Variants in GPATCH2L observed in about 807,000 individuals in gnomAD.
GPATCH2L encodes the protein G-patch domain containing 2 like, also known as G patch domain-containing protein 2-like.
Under a neutral mutation model 57.4 loss-of-function variants are expected in GPATCH2L, and 31 were observed. The ratio of observed to expected loss-of-function variants is 0.54; its 90% CI spans 0.41 to 0.73. The LOEUF (loss-of-function observed/expected upper bound fraction) is 0.73, where lower values mean the gene tolerates loss of function less well. Among genes scored for constraint, GPATCH2L ranks in the 30% least tolerant of loss-of-function variants. GPATCH2L has a pLI of 0.00. For missense variants in GPATCH2L, 481 were observed against 599.9 expected (o/e 0.80, Z 2.07); for synonymous variants, 199 against 210.7 (o/e 0.94, Z 0.48).
intron 2 of GPATCH2L, among the ~76,000 whole-genome samples, chr14:76,156,865 C>CTT (rs2038332757): frequency 6.6e-6 from 1 of 152,208 alleles, no homozygotes; most frequent in African/African-American, 2.4e-5. Context: ...ATGCTTCACT[C>CTT]TTTTCTGTTC....
At chr14:76,157,672 C>T (rs556199472) in intron 2 of GPATCH2L, among the ~76,000 whole-genome samples, 11 of 87,846 alleles carry the variant, frequency 1.3e-4, no homozygotes, top group South Asian at 4.3e-4. Flanking sequence ...TCAATGGTAG[C>T]GTTTTTTTTT....
intron 1 of GPATCH2L, among the ~76,000 whole-genome samples, chr14:76,221,304 A>T (rs1033027371): frequency 6.6e-6 from 1 of 152,238 alleles, no homozygotes; most frequent in Non-Finnish European, 1.5e-5. Flanking sequence ...ATGCCATGAC[A>T]TACCTATTAC....
chr14:76,166,761 C>T (rs751422155), intron 3 of GPATCH2L, 34 bp downstream of exon 3: 7 of 1,401,842 alleles, frequency 5.0e-6, no homozygotes, highest in East Asian at 2.3e-5. Context: ...ACCTTGGTTC[C>T]GTGTTTATGG....
intron 9 of GPATCH2L, among the ~76,000 whole-genome samples, chr14:76,198,389 G>A (rs918758350): frequency 6.6e-6 from 1 of 152,168 alleles, no homozygotes; most frequent in Non-Finnish European, 1.5e-5. Context: ...TTGAGACCAA[G>A]TAGCTGTAAA....
intron 2 of GPATCH2L, among the ~76,000 whole-genome samples, chr14:76,162,714 C>T (rs2139596565): frequency 6.6e-6 from 1 of 152,216 alleles, no homozygotes; most frequent in East Asian, 1.9e-4. Context: ...CATTCAGGAA[C>T]CATAAGGGCA....
At chr14:76,180,567 T>C (rs3816316) in intron 7 of GPATCH2L, among the ~76,000 whole-genome samples, 197 bp from the exon 8 acceptor site, 31,232 of 151,954 alleles carry the variant, frequency 0.21, 3,563 homozygotes, top group African/African-American at 0.31. Context: ...GCTTTTTTTT[T>C]CCGAGGTGTG....
At chr14:76,222,367 GA>G (rs1278760635) in intron 1 of GPATCH2L, among the ~76,000 whole-genome samples, 1 of 152,224 alleles carries the variant, frequency 6.6e-6, no homozygotes, top group Non-Finnish European at 1.5e-5. Context: ...AGTTCTTTGG[GA>G]GGCCAGGGTG....
chr14:76,227,404 A>G (rs146084673), intron 1 of GPATCH2L, among the ~76,000 whole-genome samples: 4 of 152,282 alleles, frequency 2.6e-5, no homozygotes, highest in Non-Finnish European at 5.9e-5. Flanking sequence ...AAATGAGACC[A>G]GTGGAGTACC....
At chr14:76,222,742 AG>A (rs2040520589) in intron 1 of GPATCH2L, among the ~76,000 whole-genome samples, 2 of 152,130 alleles carry the variant, frequency 1.3e-5, no homozygotes, top group Non-Finnish European at 2.9e-5. Flanking sequence ...GGATCACTTA[AG>A]GTCAGGAGCT....
intron 2 of GPATCH2L, among the ~76,000 whole-genome samples, chr14:76,160,059 G>A (rs994038839): frequency 2.6e-5 from 4 of 151,490 alleles, no homozygotes; most frequent in Non-Finnish European, 5.9e-5. Context: ...GTGTGAACCC[G>A]GGAGGCGGAG....
chr14:76,183,298 G>A (rs2039645678), intron 8 of GPATCH2L, among the ~76,000 whole-genome samples: 1 of 152,192 alleles, frequency 6.6e-6, no homozygotes, highest in Non-Finnish European at 1.5e-5. Flanking sequence ...ATTGCTTATT[G>A]TTTTAGACCA....
At chr14:76,171,227 G>A (rs553826084) in intron 3 of GPATCH2L, among the ~76,000 whole-genome samples, 35 of 150,890 alleles carry the variant, frequency 2.3e-4, no homozygotes, top group African/African-American at 7.6e-4. Context: ...GAGCCCAGGA[G>A]TTCAAGAGCA....
rs183184562 is a variant in GPATCH2L at position 76,195,175 on chromosome 14, A to G, written c.1194-703A>G. On this transcript the variant is annotated intron_variant, in intron 8 of 9. Transcript: ENST00000261530. ...TCACATACGTAAAGATTTTTATTTT[A>G]CTTCTTAATTTGCATACAGTACAAT... Among the ~76,000 whole-genome samples the G allele has an allele frequency of 1.2e-3, 190 of 152,234 alleles. 1 individual carries two copies. Among genetic ancestry groups the G allele is most frequent in the African/African-American group, 4.2e-3 (176 of 41,558 alleles).
At chr14:76,161,896 C>T (rs2543385) in intron 2 of GPATCH2L, among the ~76,000 whole-genome samples, 31,216 of 151,842 alleles carry the variant, frequency 0.21, 3,551 homozygotes, top group African/African-American at 0.3. Context: ...ATTAGCCAGG[C>T]GTGGTAGCAC....
In GPATCH2L at chr14:76,213,169, A is replaced by T. The variant is rs1321592850; in HGVS notation, c.*11318A>T. On this transcript the variant is annotated 3_prime_UTR_variant, in exon 10 of 10. Coordinates refer to ENST00000261530, the MANE Select transcript of GPATCH2L (RefSeq NM_017926.4). ...TAATTTTTAAAATATGTAGTAAAAT[A>T]TGTAACATTTTAGCTAACATTACAA... is the stretch of plus-strand genomic sequence containing the variant. The T allele has an allele frequency of 1.3e-5, 2 of 152,212 alleles. No homozygotes were observed. Among genetic ancestry groups the T allele is most frequent in the African/African-American group, 4.8e-5 (2 of 41,474 alleles). 9.4% of individuals were successfully genotyped at this position (152,212 alleles called of 1,614,324 possible). A position where few individuals can be genotyped will look rare whatever the true frequency, so the allele number is the denominator to read the frequency against.
Position 76,222,782 on chromosome 14 carries a change from C to A in GPATCH2L, c.66-7026C>A, listed in dbSNP as rs1274234869. 2.0e-5 allele frequency among the ~76,000 whole-genome samples: 3 copies of A among 152,038 alleles called. No individual in the cohort carries two copies. In the East Asian group the frequency reaches 5.8e-4, roughly 29 times the overall value. Reference sequence around the variant, plus strand: ...GACCAGCCTGGCCAACATGGTGAGACCCCATCTCTACTAAAATACAAAAAT... The same window carrying A: ...GACCAGCCTGGCCAACATGGTGAGAACCCATCTCTACTAAAATACAAAAAT... On this transcript the variant is annotated intron_variant and NMD_transcript_variant, in intron 1 of 3. Coordinates refer to the GPATCH2L transcript ENST00000556372.
chr14:76,218,861 T>C (rs372836561), downstream of GPATCH2L, among the ~76,000 whole-genome samples: 2 of 151,882 alleles, frequency 1.3e-5, no homozygotes, highest in African/African-American at 4.8e-5. Context: ...GGAAAAAAGA[T>C]TAGTCAGCAA....
chr14:76,226,494 CTA>C (rs2040536974), intron 1 of GPATCH2L, among the ~76,000 whole-genome samples: 1 of 152,090 alleles, frequency 6.6e-6, no homozygotes, highest in African/African-American at 2.4e-5. Flanking sequence ...TGGTCATGTT[CTA>C]TGTCTTTGTT....
At chr14:76,173,810 G>A in intron 5 of GPATCH2L, 185 bp downstream of exon 5, 8 of 505,926 alleles carry the variant, frequency 1.6e-5, no homozygotes, top group Admixed American at 3.3e-5. Context: ...AATAAAAGAT[G>A]AAACGTAATT....
Sources: gnomAD v4.1 joint callset for allele counts (sites outside exome capture counted in the v4.1 genomes callset) on GRCh38, gnomAD v4.1.1 for gene constraint, MANE v1.5 for transcripts, NCBI Gene and HGNC (gene_info 2026-07-23, HGNC 2026-07-21) for gene names.